Variants in RASGRP1 observed in about 807,000 individuals in gnomAD.
The protein encoded by RASGRP1 is RAS guanyl releasing protein 1.
In RASGRP1, 37 loss-of-function variants were observed where a neutral mutation model predicts 95.1. The ratio of observed to expected loss-of-function variants is 0.39; its 90% confidence interval spans 0.30 to 0.51. RASGRP1 has a LOEUF of 0.51. Among genes scored for constraint, RASGRP1 ranks in the 20% least tolerant of loss-of-function variants. The pLI is 0.80. For synonymous variants in RASGRP1, 325 were observed against 353.4 expected (o/e 0.92, Z 0.90); for missense variants, 711 against 965.4 (o/e 0.74, Z 3.49).
rs1317732776 is a variant in RASGRP1 at position 38,511,661 on chromosome 15, G to C, written c.909C>G (p.His303Gln). The C allele has an allele frequency of 6.2e-7, 1 of 1,613,668 alleles. No individual in the cohort carries two copies. Among genetic ancestry groups the C allele is most frequent in the Non-Finnish European group, 8.5e-7 (1 of 1,179,656 alleles). ...TCTCCTTGAGCCTCGAGATTGAGCT[G>C]TGACACAGCCCACCTATCACAGCCA... is the stretch of plus-strand genomic sequence containing the variant. ...TLMAVIGGLC[H>Q]SSISRLKETS... Residue 303 changes from histidine (H) to glutamine (Q), a missense_variant, in exon 8 of 17, where the codon CAC becomes CAG. His to Gln is a conservative substitution (Grantham distance 24). Around this residue, in one of 3 missense-constraint regions of RASGRP1, gnomAD observed 491 missense variants for 676.6 expected, o/e 0.73. Coordinates refer to ENST00000310803, the MANE Select transcript of RASGRP1 (RefSeq NM_005739.4).
At chr15:38,509,501 C>T (rs555741529) in intron 8 of RASGRP1, among the ~76,000 whole-genome samples, 10 of 152,192 alleles carry the variant, frequency 6.6e-5, no homozygotes, top group African/African-American at 1.9e-4. Flanking sequence ...CCGAGGTGGA[C>T]GGATCACCTG....
chr15:38,519,211 G>A (rs1044493554), intron 4 of RASGRP1, 98 bp downstream of exon 4: 2 of 911,984 alleles, frequency 2.2e-6, no homozygotes, highest in Non-Finnish European at 3.4e-6. Context: ...CTGTCCAAAG[G>A]TGTTCTATAG....
At chr15:38,546,738 A>G (rs1219075680) in intron 2 of RASGRP1, among the ~76,000 whole-genome samples, 1 of 152,128 alleles carries the variant, frequency 6.6e-6, no homozygotes. Flanking sequence ...TGTTGAGGCA[A>G]TCTCTAATTA....
intron 2 of RASGRP1, among the ~76,000 whole-genome samples, chr15:38,533,373 G>C (rs935915159): frequency 9.2e-5 from 14 of 152,160 alleles, no homozygotes; most frequent in African/African-American, 3.4e-4. Flanking sequence ...TATACACACA[G>C]AATTCTAAAT....
rs538804214 is a variant in RASGRP1 at position 38,563,290 on chromosome 15, A to T, written c.35+1304T>A. Among the ~76,000 whole-genome samples the T allele has an allele frequency of 1.9e-3, 288 of 152,150 alleles. 1 individual carries two copies. Among genetic ancestry groups the T allele is most frequent in the African/African-American group, 6.3e-3 (261 of 41,552 alleles). Reference sequence around the variant, plus strand: ...CTGAGTCTGTAAAGGCATATTTTTTAAAAAAATACAGTAGCCAAATGTTTT... The same window carrying T: ...CTGAGTCTGTAAAGGCATATTTTTTTAAAAAATACAGTAGCCAAATGTTTT... On this transcript the variant is annotated intron_variant, in intron 1 of 16. Transcript: ENST00000310803.
At chr15:38,554,467 G>C (rs1018822696) in intron 2 of RASGRP1, among the ~76,000 whole-genome samples, 2 of 152,180 alleles carry the variant, frequency 1.3e-5, no homozygotes, top group African/African-American at 2.4e-5. Flanking sequence ...CTGAGACACT[G>C]TCTAACTTAC....
intron 2 of RASGRP1, among the ~76,000 whole-genome samples, chr15:38,547,723 A>T (rs1404364553): frequency 6.6e-6 from 1 of 150,816 alleles, no homozygotes; most frequent in Non-Finnish European, 1.5e-5. Context: ...ACATGTGGTA[A>T]ATGGCAGACT....
chr15:38,508,064 G>T, intron 8 of RASGRP1, 63 bp from the exon 9 acceptor site: 22 of 1,505,794 alleles, frequency 1.5e-5, no homozygotes, highest in Non-Finnish European at 2.0e-5. Context: ...CTGTAATGAG[G>T]ACCTTGCATG....
chr15:38,559,598 TCTC>T (rs1474170227), intron 2 of RASGRP1, among the ~76,000 whole-genome samples: 1 of 152,146 alleles, frequency 6.6e-6, no homozygotes, highest in African/African-American at 2.4e-5. Flanking sequence ...AAATGCAAAC[TCTC>T]CTAACTTTTC....
chr15:38,564,670 CCGGGCGCGG>C lies in RASGRP1; in HGVS notation c.-51_-43del. The C allele has an allele frequency of 8.1e-7, 1 of 1,238,580 alleles. No homozygotes were observed. Among genetic ancestry groups the C allele is most frequent in the Non-Finnish European group, 1.0e-6 (1 of 991,600 alleles). The allele number at this position is 1,238,580 out of a possible 1,614,324, so 76.7% of individuals were successfully genotyped here. A position where few individuals can be genotyped will look rare whatever the true frequency, so the allele number is the denominator to read the frequency against. ...CCCGGTGCCGGCTCACCTAGCGCGGCCGGGCGCGGCGCATCGCCCCCGCCACCACCGCCG... is the reference window on the plus strand; with the variant it reads ...CCCGGTGCCGGCTCACCTAGCGCGGCCGCATCGCCCCCGCCACCACCGCCG... On this transcript the variant is annotated 5_prime_UTR_variant, in exon 1 of 17. Coordinates refer to ENST00000310803, the MANE Select transcript of RASGRP1 (RefSeq NM_005739.4).
At chr15:38,528,473 T>C (rs1439969825) in intron 2 of RASGRP1, among the ~76,000 whole-genome samples, 1 of 152,170 alleles carries the variant, frequency 6.6e-6, no homozygotes, top group Non-Finnish European at 1.5e-5. Flanking sequence ...CTTATCTTAC[T>C]TTATGACTCA....
chr15:38,542,431 T>C (rs1037304854), intron 2 of RASGRP1, among the ~76,000 whole-genome samples: 2 of 152,020 alleles, frequency 1.3e-5, no homozygotes, highest in African/African-American at 2.4e-5. Context: ...GATCCAGGGA[T>C]GGAGCAGAGA....
chr15:38,499,967 G>C, intron 14 of RASGRP1, 136 bp downstream of exon 14: 1 of 773,200 alleles, frequency 1.3e-6, no homozygotes. Flanking sequence ...AGTTTCCTTA[G>C]GCCTCACCAG....
At chr15:38,564,413 C>T (rs1485471107) in intron 1 of RASGRP1, among the ~76,000 whole-genome samples, 181 bp downstream of exon 1, 2 of 152,114 alleles carry the variant, frequency 1.3e-5, no homozygotes, top group East Asian at 3.9e-4. Flanking sequence ...CCCGAAACCC[C>T]GGGCGCAGCG....
intron 14 of RASGRP1, 99 bp from the exon 15 acceptor site, chr15:38,499,045 G>A (rs1369248721): frequency 6.8e-7 from 1 of 1,470,594 alleles, no homozygotes; most frequent in Admixed American, 1.7e-5. Context: ...TGTCACACAT[G>A]TCTGTTCTAT....
chr15:38,502,426 G>T lies in RASGRP1; in HGVS notation c.1429-5C>A, dbSNP rs759822282. On this transcript the variant is annotated splice_region_variant and splice_polypyrimidine_tract_variant and intron_variant, in intron 11 of 16. Transcript: ENST00000310803. ...ATCATAGTTCTTGAAGACAGACTGT[G>T]AAAAAGGAGTTTTTTTGGTGATTAC... 3 of 1,551,422 alleles carry T rather than the reference G, an allele frequency of 1.9e-6. No individual in the cohort carries two copies. The South Asian group carries it at 3.4e-5, about 18-fold the overall frequency.
chr15:38,494,490 G>C lies in RASGRP1; in HGVS notation c.2151C>G (p.Val717=). ...TGACAAAAGCCCGCTTTCTGACCAA[G>C]ACTGGGCTAGGACATGGAGAGGTGG... ...PSPTSPCPSP[V]LVRKRAFVKW... Residue 717 remains valine (V), a synonymous_variant, in exon 16 of 17, where the codon GTC becomes GTG. Transcript: ENST00000310803. 6.2e-7 allele frequency: 1 copy of C among 1,608,098 alleles called. No individual in the cohort carries two copies. Among genetic ancestry groups the C allele is most frequent in the Non-Finnish European group, 8.5e-7 (1 of 1,177,118 alleles).
Position 38,512,006 on chromosome 15 carries a change from A to C in RASGRP1, c.850-286T>G, listed in dbSNP as rs1193094853. Among the ~76,000 whole-genome samples the C allele has an allele frequency of 6.6e-5, 10 of 152,096 alleles. 1 individual carries two copies. Among genetic ancestry groups the C allele is most frequent in the Admixed American group, 6.5e-4 (10 of 15,270 alleles). ...ATCACCTCAAGTATTTGTTTAACACAATGGTTTCTGGACCTAACCCAGACA... is the reference window on the plus strand; with the variant it reads ...ATCACCTCAAGTATTTGTTTAACACCATGGTTTCTGGACCTAACCCAGACA... On this transcript the variant is annotated intron_variant, in intron 7 of 16. Coordinates refer to ENST00000310803, the MANE Select transcript of RASGRP1 (RefSeq NM_005739.4).
intron 3 of RASGRP1, among the ~76,000 whole-genome samples, chr15:38,524,966 C>T (rs1266738730): frequency 2.5e-5 from 3 of 120,342 alleles, no homozygotes; most frequent in African/African-American, 9.8e-5. Flanking sequence ...GTACAATTTT[C>T]TTTCTTTTTT....
Sources: gnomAD v4.1 joint callset for allele counts (sites outside exome capture counted in the v4.1 genomes callset) on GRCh38, gnomAD v4.1.1 for gene constraint, gnomAD v4.1.1 regional missense constraint, MANE v1.5 for transcripts, NCBI Gene and HGNC (gene_info 2026-07-23, HGNC 2026-07-21) for gene names.